Variants in PSD4 observed in about 807,000 individuals in gnomAD.
The protein encoded by PSD4 is pleckstrin and Sec7 domain containing 4, also known as PH and SEC7 domain-containing protein 4.
In PSD4, 59 loss-of-function variants were observed where a neutral mutation model predicts 112.5. The ratio of observed to expected loss-of-function variants is 0.52; its 90% CI spans 0.43 to 0.65. PSD4 has a LOEUF of 0.65. Ranked by LOEUF, PSD4 falls within the 30% of genes least tolerant of loss-of-function variation. PSD4 has a pLI of 0.00. For synonymous variants in PSD4, 533 were observed against 540.0 expected (o/e 0.99, Z 0.18); for missense variants, 1,267 against 1,352.6 (o/e 0.94, Z 0.99).
rs773097811 is a variant in PSD4 at position 113,192,443 on chromosome 2, G to A, written c.1692G>A (p.Gln564=). Residue 564 remains glutamine (Q), a synonymous_variant, in exon 6 of 17, where the codon CAG becomes CAA. Coordinates refer to ENST00000245796, the MANE Select transcript of PSD4 (RefSeq NM_012455.3). ...WLPGSPMPQA[Q]SPEEGQRPPA... ...CTGGGAGCCCTATGCCCCAAGCACA[G>A]TCCCCAGAGGAAGGCCAGAGACCAC... 1.2e-5 allele frequency: 19 copies of A among 1,614,214 alleles called. No individual in the cohort carries two copies. In the Admixed American group the frequency reaches 3.0e-4, roughly 25 times the overall value.
chr2:113,184,405 G>A (rs543697710), intron 2 of PSD4, among the ~76,000 whole-genome samples: 1 of 144,526 alleles, frequency 6.9e-6, no homozygotes, highest in Admixed American at 7.0e-5. Flanking sequence ...TTGAGACGGA[G>A]TCTTGCTATG....
At chr2:113,197,135 C>T (rs1275115297) in intron 12 of PSD4, 3 of 263,796 alleles carry the variant, frequency 1.1e-5, no homozygotes, top group Non-Finnish European at 2.2e-5. Flanking sequence ...CAGGGAAGGG[C>T]ACCCCAAAGC....
intron 2 of PSD4, among the ~76,000 whole-genome samples, chr2:113,183,922 C>T (rs944889768): frequency 6.6e-6 from 1 of 152,174 alleles, no homozygotes; most frequent in African/African-American, 2.4e-5. Flanking sequence ...TGACCTTTGC[C>T]CCTAACAGAG....
Position 113,199,091 on chromosome 2 carries a change from G to C in PSD4, c.2778G>C (p.Gln926His). Residue 926 changes from glutamine (Q) to histidine (H), a missense_variant, in exon 16 of 17, where the codon CAG (glutamine) becomes CAC (histidine). By Grantham distance (24) the Gln-to-His change is conservative. This residue lies in a region of PSD4 where 544 missense variants were observed against 648.6 expected (regional missense o/e 0.84). Coordinates refer to ENST00000245796, the MANE Select transcript of PSD4 (RefSeq NM_012455.3). ...CCGCCCGCTGCTCGCAGGAGGAGCA[G>C]CATCGATCCCACGAGAACTGCCTGG... is the stretch of plus-strand genomic sequence containing the variant. Reference protein sequence around the residue: ...VGPAQSSLEEQHRSHENCLDA... With the variant: ...VGPAQSSLEEHHRSHENCLDA... 6 of 1,532,932 alleles carry C rather than the reference G, an allele frequency of 3.9e-6. No homozygotes were observed. Among genetic ancestry groups the C allele is most frequent in the Non-Finnish European group, 5.3e-6 (6 of 1,142,108 alleles). 95.0% of individuals were successfully genotyped at this position (1,532,932 alleles called of 1,614,324 possible).
chr2:113,197,138 C>A, intron 12 of PSD4: 1 of 266,512 alleles, frequency 3.8e-6, no homozygotes, highest in Non-Finnish European at 7.4e-6. Flanking sequence ...GGAAGGGCAC[C>A]CCAAAGCTGG....
intron 3 of PSD4, 26 bp from the exon 4 acceptor site, chr2:113,185,339 G>A (rs1255948089): frequency 1.2e-6 from 2 of 1,613,760 alleles, no homozygotes; most frequent in Admixed American, 3.3e-5. Context: ...CAGGGCTCAT[G>A]GGAATGCCTT....
Position 113,198,733 on chromosome 2 carries a change from GC to G in PSD4, c.2625-3del. On this transcript the variant is annotated splice_region_variant and splice_polypyrimidine_tract_variant and intron_variant, in intron 14 of 16. Transcript: ENST00000245796. ...TCCCCGGGGACCAACGACCTCCTTT[GC>G]CCCAGCACTGCCAAGGAGATGAGCT... The G allele has an allele frequency of 6.5e-7, 1 of 1,538,850 alleles. No homozygotes were observed. Among genetic ancestry groups the G allele is most frequent in the Non-Finnish European group, 8.7e-7 (1 of 1,143,140 alleles).
At position 113,197,323 on chromosome 2, in the gene PSD4, G is replaced by A. The variant is rs1688639470; in HGVS notation, c.2387-241G>A. 2.4e-5 allele frequency: 14 copies of A among 576,850 alleles called. No homozygotes were observed. The South Asian group carries it at 2.7e-4, about 11-fold the overall frequency. The allele number at this position is 576,850 out of a possible 1,614,324, so 35.7% of individuals were successfully genotyped here. A position where few individuals can be genotyped will look rare whatever the true frequency, so the allele number is the denominator to read the frequency against. On this transcript the variant is annotated intron_variant, in intron 12 of 16. Coordinates refer to ENST00000245796, the MANE Select transcript of PSD4 (RefSeq NM_012455.3). ...TGATATGTATGAATATCTATATTTG[G>A]ATGTGAGTGGTTCTATGGTTTTGTT...
At chr2:113,174,777 T>C (rs1687922602) in intron 1 of PSD4, among the ~76,000 whole-genome samples, 1 of 152,130 alleles carries the variant, frequency 6.6e-6, no homozygotes, top group Non-Finnish European at 1.5e-5. Flanking sequence ...GTAGTCATTA[T>C]TGTTATAGTG....
At chr2:113,178,732 C>T (rs1427873735) in intron 1 of PSD4, among the ~76,000 whole-genome samples, 1 of 151,996 alleles carries the variant, frequency 6.6e-6, no homozygotes, top group East Asian at 1.9e-4. Flanking sequence ...GGTGGGTTGG[C>T]GTTATCCTGG....
chr2:113,199,043 G>C, intron 15 of PSD4, 40 bp from the exon 16 acceptor site: 1 of 1,512,084 alleles, frequency 6.6e-7, no homozygotes, highest in Middle Eastern at 1.7e-4. Flanking sequence ...CGGCGGAGGG[G>C]ACGCCCGGGA....
intron 10 of PSD4, among the ~76,000 whole-genome samples, chr2:113,195,407 C>T (rs1411897774): frequency 6.6e-6 from 1 of 152,130 alleles, no homozygotes; most frequent in Non-Finnish European, 1.5e-5. Flanking sequence ...AGTGATCCAC[C>T]CGCCTCGGCC....
At position 113,201,281 on chromosome 2, in the gene PSD4, A is replaced by T; in HGVS notation, c.3037A>T (p.Ser1013Cys). ...TGGAGGCACTCGGGAGCCCAAGCTC[A>T]GCCTGAAGAAGTCCCACTCGAGCCC... ...EAGGTREPKL[S>C]LKKSHSSPSL... Residue 1013 changes from serine (S) to cysteine (C), a missense_variant, in exon 17 of 17, where the codon AGC (serine) becomes TGC (cysteine). Ser to Cys is a moderately radical substitution (Grantham distance 112). This residue lies in a region of PSD4 where 544 missense variants were observed against 648.6 expected (regional missense o/e 0.84). Coordinates refer to ENST00000245796, the MANE Select transcript of PSD4 (RefSeq NM_012455.3). The T allele has an allele frequency of 6.2e-7, 1 of 1,614,198 alleles. No homozygotes were observed. Among genetic ancestry groups the T allele is most frequent in the South Asian group, 1.1e-5 (1 of 91,088 alleles).
chr2:113,177,801 G>A (rs929561781), intron 1 of PSD4, among the ~76,000 whole-genome samples: 26 of 152,198 alleles, frequency 1.7e-4, no homozygotes, highest in Admixed American at 1.4e-3. Flanking sequence ...CCATCTTGGT[G>A]CTTACCTTCT....
In PSD4 at chr2:113,197,597, A is replaced by T. The variant is rs1229308730; in HGVS notation, c.2420A>T (p.His807Leu). Residue 807 changes from histidine to leucine, a missense_variant, in exon 13 of 17, where the codon CAC becomes CTC. By Grantham distance (99) the His-to-Leu change is moderately conservative (BLOSUM62 -3). Around this residue, in one of 2 missense-constraint regions of PSD4, gnomAD observed 544 missense variants for 648.6 expected, o/e 0.84. Transcript: ENST00000245796. ...GGCAAGCGTGGCTGGAAGATGTTCC[A>T]CACCTTACTGCGAGGGATGGTTCTC... ...PWGKRGWKMF[H>L]TLLRGMVLYF... 2 of 1,614,082 alleles carry T rather than the reference A, an allele frequency of 1.2e-6. No individual in the cohort carries two copies. Among genetic ancestry groups the T allele is most frequent in the African/African-American group, 1.3e-5 (1 of 74,936 alleles).
At chr2:113,175,158 T>TG (rs34467800) in intron 1 of PSD4, 11,532 of 152,576 alleles carry the variant, frequency 0.076, 627 homozygotes, top group African/African-American at 0.15. Flanking sequence ...AGGCCCAGCC[T>TG]GGCCCCAGCC....
chr2:113,197,813 G>C lies in PSD4; in HGVS notation c.2524G>C (p.Val842Leu). The C allele has an allele frequency of 6.2e-7, 1 of 1,611,432 alleles. No homozygotes were observed. Residue 842 changes from valine to leucine, a missense_variant, in exon 14 of 17, where the codon GTG (valine) becomes CTG (leucine). Coordinates refer to ENST00000245796, the MANE Select transcript of PSD4 (RefSeq NM_012455.3). ...GCAGATGGTGGATGAGCCCGTGGGG[G>C]TGCACCACTCGCTGGCCACCCCCGC... ...VGQMVDEPVG[V>L]HHSLATPATH...
intron 1 of PSD4, among the ~76,000 whole-genome samples, chr2:113,177,690 T>TG (rs200697306): frequency 0.3 from 45,473 of 151,732 alleles, 7,462 homozygotes; most frequent in East Asian, 0.62. Context: ...CCCCAGACCT[T>TG]GTGGGTCGGA....
At chr2:113,185,647 G>C in intron 4 of PSD4, 1 of 1,547,552 alleles carries the variant, frequency 6.5e-7, no homozygotes, top group Non-Finnish European at 8.7e-7. Flanking sequence ...TTACCGCTGG[G>C]TCTTAATGGT....
Sources: allele counts gnomAD v4.1 joint callset (sites outside exome capture counted in the v4.1 genomes callset), GRCh38; gene constraint gnomAD v4.1.1; regional missense constraint gnomAD v4.1.1; transcripts MANE v1.5; gene names NCBI Gene and HGNC (gene_info 2026-07-23, HGNC 2026-07-21).